PXDC1: variants seen among roughly 807,000 people sequenced by gnomAD.
PXDC1 encodes PX domain-containing protein 1.
A neutral mutation model predicts 24.4 loss-of-function variants in PXDC1; 13 were observed. That is an observed-to-expected ratio of 0.53 (90% CI 0.35 to 0.85). The LOEUF (loss-of-function observed/expected upper bound fraction) is 0.85. Ranked by LOEUF, PXDC1 falls within the 40% of genes least tolerant of loss-of-function variation. The pLI is 0.01. For synonymous variants in PXDC1, 162 were observed against 124.9 expected (o/e 1.30, Z -1.98); for missense variants, 344 against 309.3 (o/e 1.11, Z -0.84).
At chr6:3,730,228 C>T (rs1419587998) in intron 3 of PXDC1, among the ~76,000 whole-genome samples, 1 of 152,214 alleles carries the variant, frequency 6.6e-6, no homozygotes, top group Non-Finnish European at 1.5e-5. Flanking sequence ...CCCACCTCTG[C>T]TGTCAGCCCC....
At chr6:3,726,016 G>A (rs911692281) in intron 4 of PXDC1, among the ~76,000 whole-genome samples, 45 of 152,188 alleles carry the variant, frequency 3.0e-4, no homozygotes, top group African/African-American at 1.0e-3. Context: ...CACACCTCTG[G>A]CCCGGCTTTC....
intron 1 of PXDC1, among the ~76,000 whole-genome samples, chr6:3,745,365 G>A (rs115574767): frequency 0.022 from 3,372 of 152,350 alleles, 62 homozygotes; most frequent in Middle Eastern, 0.037. Context: ...CCAGCAGCCC[G>A]TATATGCCCA....
Position 3,751,599 on chromosome 6 carries a change from C to T in PXDC1, c.-68G>A, listed in dbSNP as rs1581256287. ...CCGCCCGCCCGCAGGAGGCGCGCCC[C>T]GGCCGGGGTCGTCCCGGGTCTGTCC... On this transcript the variant is annotated 5_prime_UTR_variant, in exon 1 of 5. Coordinates refer to ENST00000380283, the MANE Select transcript of PXDC1 (RefSeq NM_183373.4). 7.0e-7 allele frequency: 1 copy of T among 1,423,334 alleles called. No homozygotes were observed. Among genetic ancestry groups the T allele is most frequent in the Non-Finnish European group, 9.1e-7 (1 of 1,094,552 alleles). 88.2% of individuals were successfully genotyped at this position (1,423,334 alleles called of 1,614,324 possible). A position where few individuals can be genotyped will look rare whatever the true frequency, so the allele number is the denominator to read the frequency against.
intron 3 of PXDC1, among the ~76,000 whole-genome samples, chr6:3,735,811 ACT>A (rs1760304066): frequency 6.6e-6 from 1 of 152,180 alleles, no homozygotes; most frequent in African/African-American, 2.4e-5. Context: ...AATGCTAAAT[ACT>A]CTGATTTGAT....
chr6:3,743,768 G>A (rs756046287), intron 1 of PXDC1, among the ~76,000 whole-genome samples: 17 of 152,228 alleles, frequency 1.1e-4, no homozygotes, highest in Non-Finnish European at 2.4e-4. Flanking sequence ...CAAGGAGAGC[G>A]AGATTGCGGC....
chr6:3,730,698 G>C (rs1760175907), intron 3 of PXDC1, among the ~76,000 whole-genome samples: 1 of 152,218 alleles, frequency 6.6e-6, no homozygotes, highest in South Asian at 2.1e-4. Flanking sequence ...TATAGACCAT[G>C]AACTTGTACC....
chr6:3,732,234 G>A (rs528364524), intron 3 of PXDC1, among the ~76,000 whole-genome samples: 5 of 152,224 alleles, frequency 3.3e-5, no homozygotes, highest in South Asian at 2.1e-4. Flanking sequence ...GCAGACACGC[G>A]GTCTCAGCCG....
At chr6:3,750,865 G>A (rs1667560030) in intron 1 of PXDC1, among the ~76,000 whole-genome samples, 2 of 152,258 alleles carry the variant, frequency 1.3e-5, no homozygotes, top group South Asian at 4.1e-4. Flanking sequence ...GCAGTTAACT[G>A]CTCCCAGACG....
chr6:3,727,473 A>G, intron 4 of PXDC1, 78 bp downstream of exon 4: 6 of 994,326 alleles, frequency 6.0e-6, no homozygotes, highest in Non-Finnish European at 9.3e-6. Flanking sequence ...TTCCTTCCAT[A>G]AGAACAGTGA....
chr6:3,746,085 G>A (rs768263587), intron 1 of PXDC1, among the ~76,000 whole-genome samples: 3 of 152,168 alleles, frequency 2.0e-5, no homozygotes, highest in Non-Finnish European at 4.4e-5. Context: ...CTGAGTCCCT[G>A]GCCTGTTCTG....
chr6:3,746,457 C>T (rs895104352), intron 1 of PXDC1, among the ~76,000 whole-genome samples: 8 of 152,118 alleles, frequency 5.3e-5, no homozygotes, highest in African/African-American at 1.9e-4. Context: ...GGTGACTTGG[C>T]CAGGTCAACA....
chr6:3,730,985 G>A (rs1183797778), intron 3 of PXDC1, among the ~76,000 whole-genome samples: 1 of 152,148 alleles, frequency 6.6e-6, no homozygotes, highest in Non-Finnish European at 1.5e-5. Flanking sequence ...CATTCCAAAG[G>A]CCATTGTGCA....
intron 3 of PXDC1, among the ~76,000 whole-genome samples, chr6:3,731,980 C>T (rs1031902852): frequency 6.6e-6 from 1 of 152,210 alleles, no homozygotes; most frequent in African/African-American, 2.4e-5. Flanking sequence ...GTTTCCACAG[C>T]GAAGTTACCA....
chr6:3,738,959 T>C (rs4959871), intron 1 of PXDC1: 522,971 of 1,294,656 alleles, frequency 0.4, 106,180 homozygotes, highest in Admixed American at 0.43. Flanking sequence ...CCGAGGCTGA[T>C]GCAAACGTGC....
chr6:3,748,580 A>T (rs996893964), intron 1 of PXDC1, among the ~76,000 whole-genome samples: 1 of 152,160 alleles, frequency 6.6e-6, no homozygotes, highest in Non-Finnish European at 1.5e-5. Flanking sequence ...GTGCAGAGAG[A>T]GAAAAAGCAC....
At chr6:3,746,014 A>AT (rs1395437978) in intron 1 of PXDC1, among the ~76,000 whole-genome samples, 3 of 152,310 alleles carry the variant, frequency 2.0e-5, no homozygotes, top group Non-Finnish European at 2.9e-5. Context: ...GTCACCACAT[A>AT]TGGTGTGCGT....
chr6:3,729,285 C>A (rs539398589), intron 3 of PXDC1, among the ~76,000 whole-genome samples: 2 of 152,078 alleles, frequency 1.3e-5, no homozygotes, highest in African/African-American at 4.8e-5. Flanking sequence ...GCTTTCCATA[C>A]GAAGAGAATT....
chr6:3,730,158 G>A (rs974009824), intron 3 of PXDC1, among the ~76,000 whole-genome samples: 5 of 152,070 alleles, frequency 3.3e-5, no homozygotes, highest in African/African-American at 4.8e-5. Flanking sequence ...GAGGGACTTC[G>A]CTTAGACTCT....
chr6:3,738,731 G>A, intron 1 of PXDC1: 2 of 1,255,512 alleles, frequency 1.6e-6, no homozygotes, highest in Non-Finnish European at 2.1e-6. Context: ...GGGCCTCTGT[G>A]CTTCTCACGG....
Sources: gnomAD v4.1 joint callset for allele counts (sites outside exome capture counted in the v4.1 genomes callset) on GRCh38, gnomAD v4.1.1 for gene constraint, MANE v1.5 for transcripts, NCBI Gene and HGNC (gene_info 2026-07-23, HGNC 2026-07-21) for gene names.